Variants in P2RY2 observed in about 807,000 individuals in gnomAD.
P2RY2 encodes purinergic receptor P2Y2, also known as P2Y purinoceptor 2.
For synonymous variants in P2RY2, 241 were observed against 231.9 expected (o/e 1.04, Z -0.35); for missense variants, 567 against 515.7 (o/e 1.10, Z -0.96).
intron 2 of P2RY2, among the ~76,000 whole-genome samples, chr11:73,229,890 C>T (rs1862398879): frequency 6.6e-6 from 1 of 151,926 alleles, no homozygotes; most frequent in Non-Finnish European, 1.5e-5. Context: ...TGGAGGAAGC[C>T]CCCTCCCTGT....
At chr11:73,229,647 G>A (rs1862390830) in intron 2 of P2RY2, among the ~76,000 whole-genome samples, 1 of 152,110 alleles carries the variant, frequency 6.6e-6, no homozygotes, top group Admixed American at 6.5e-5. Context: ...GAGGGTGGGG[G>A]CCAGGGTGTC....
intron 1 of P2RY2, among the ~76,000 whole-genome samples, chr11:73,225,498 G>T (rs1027878287): frequency 6.6e-6 from 1 of 152,208 alleles, no homozygotes; most frequent in African/African-American, 2.4e-5. Flanking sequence ...CTGCCAATTG[G>T]CATTCCTCTG....
chr11:73,235,902 G>A lies in P2RY2; in HGVS notation c.*609G>A, dbSNP rs1862640036. The A allele has an allele frequency of 2.0e-6, 2 of 1,000,356 alleles. No homozygotes were observed. Among genetic ancestry groups the A allele is most frequent in the Non-Finnish European group, 2.4e-6 (2 of 830,026 alleles). The allele number at this position is 1,000,356 out of a possible 1,614,324, so 62.0% of individuals were successfully genotyped here. On this transcript the variant is annotated 3_prime_UTR_variant, in exon 3 of 3. Coordinates refer to ENST00000393597, the MANE Select transcript of P2RY2 (RefSeq NM_002564.4). ...ATGGGCTAGGAGCCAGTGTGAGGCT[G>A]TAACTTATACTAAAGGTTGTGTTGC... is the stretch of plus-strand genomic sequence containing the variant.
intron 2 of P2RY2, among the ~76,000 whole-genome samples, chr11:73,232,178 C>A (rs1250272043): frequency 1.3e-5 from 2 of 152,198 alleles, no homozygotes; most frequent in East Asian, 1.9e-4. Flanking sequence ...CCCACACAGG[C>A]ACAAGCCCTT....
chr11:73,229,447 A>G (rs1862384221), intron 2 of P2RY2, among the ~76,000 whole-genome samples: 1 of 152,132 alleles, frequency 6.6e-6, no homozygotes, highest in Non-Finnish European at 1.5e-5. Flanking sequence ...CATCAGGGTC[A>G]GGAGAGGCAG....
intron 2 of P2RY2, among the ~76,000 whole-genome samples, chr11:73,231,724 C>A (rs1862465053): frequency 6.6e-6 from 1 of 151,930 alleles, no homozygotes; most frequent in South Asian, 2.1e-4. Context: ...CCTGCAGAGT[C>A]CCCCAGTCCC....
chr11:73,230,036 C>T (rs577579529), intron 2 of P2RY2, among the ~76,000 whole-genome samples: 5 of 152,110 alleles, frequency 3.3e-5, no homozygotes, highest in Non-Finnish European at 5.9e-5. Context: ...GAGCTAGACT[C>T]GAACCTCGGC....
At chr11:73,233,239 G>A (rs1315491627) in intron 2 of P2RY2, among the ~76,000 whole-genome samples, 1 of 152,212 alleles carries the variant, frequency 6.6e-6, no homozygotes, top group Non-Finnish European at 1.5e-5. Flanking sequence ...TCAGGGGCAG[G>A]ACTGCTGTTG....
chr11:73,234,772 C>T lies in P2RY2; in HGVS notation c.613C>T (p.Leu205=), dbSNP rs1294814484. The T allele has an allele frequency of 1.2e-6, 2 of 1,611,714 alleles. No homozygotes were observed. The highest frequency in any genetic ancestry group is 2.2e-5 in the South Asian group (2 of 91,086). ...FVAYSSVMLG[L]LFAVPFAVIL... Reference sequence around the variant, plus strand: ...GGCCTACAGCTCAGTCATGCTGGGCCTGCTCTTCGCGGTGCCCTTTGCCGT... The same window carrying T: ...GGCCTACAGCTCAGTCATGCTGGGCTTGCTCTTCGCGGTGCCCTTTGCCGT... The change falls in exon 3 of 3, where the codon CTG becomes TTG. Residue 205 remains leucine (L), a synonymous_variant. Coordinates refer to ENST00000393597, the MANE Select transcript of P2RY2 (RefSeq NM_002564.4).
At chr11:73,231,368 A>G (rs2135642163) in intron 2 of P2RY2, among the ~76,000 whole-genome samples, 1 of 145,266 alleles carries the variant, frequency 6.9e-6, no homozygotes, top group African/African-American at 2.5e-5. Flanking sequence ...CGACATGGCA[A>G]AACCCCATCT....
At chr11:73,219,614 C>G (rs1376041958) in intron 1 of P2RY2, among the ~76,000 whole-genome samples, 2 of 152,224 alleles carry the variant, frequency 1.3e-5, no homozygotes, top group African/African-American at 2.4e-5. Context: ...CCCTAGGGCA[C>G]AAGCCTTCCA....
rs1190471539 is a variant in P2RY2, at chr11:73,238,113, C to T, written c.*2820C>T. 6.6e-6 allele frequency among the ~76,000 whole-genome samples: 1 copy of T among 152,224 alleles called. No individual in the cohort carries two copies. Among genetic ancestry groups the T allele is most frequent in the African/African-American group, 2.4e-5 (1 of 41,450 alleles). ...CAGGGCTGAGCCCAAGGTCATTCAG[C>T]AGGTCAGCGTGGCGCCTGGATGTAA... is the stretch of plus-strand genomic sequence containing the variant. On this transcript the variant is annotated 3_prime_UTR_variant, in exon 3 of 3. Transcript: ENST00000393597.
Position 73,238,363 on chromosome 11 carries a change from G to T in P2RY2, c.*3070G>T, listed in dbSNP as rs1254826017. Among the ~76,000 whole-genome samples, 2 of 152,206 alleles carry T rather than the reference G, an allele frequency of 1.3e-5. No individual in the cohort carries two copies. The highest frequency in any genetic ancestry group is 2.9e-5 in the Non-Finnish European group (2 of 68,028). ...AGGGCAGGGTCCCTGGCACACAGGG[G>T]TCTCTGCCCTGGGTGGCAGGTGTCC... On this transcript the variant is annotated 3_prime_UTR_variant, in exon 3 of 3. Coordinates refer to ENST00000393597, the MANE Select transcript of P2RY2 (RefSeq NM_002564.4).
At position 73,237,527 on chromosome 11, in the gene P2RY2, T is replaced by G. The variant is rs1791921; in HGVS notation, c.*2234T>G. ...CCTCCCAAAGTGCTGGGATTACAGG[T>G]ATGAGCCACCGCACCCGGCCCCTCT... On this transcript the variant is annotated 3_prime_UTR_variant, in exon 3 of 3. Coordinates refer to ENST00000393597, the MANE Select transcript of P2RY2 (RefSeq NM_002564.4). Among the ~76,000 whole-genome samples, 35,596 of 152,120 alleles carry G rather than the reference T, an allele frequency of 0.23. 4,924 individuals carry two copies. Among genetic ancestry groups the G allele is most frequent in the Middle Eastern group, 0.46 (135 of 294 alleles).
intron 1 of P2RY2, among the ~76,000 whole-genome samples, chr11:73,221,199 C>T (rs1177363066): frequency 1.3e-5 from 2 of 152,204 alleles, no homozygotes; most frequent in Non-Finnish European, 2.9e-5. Context: ...TTACTGAATG[C>T]CTTCCTCCCC....
rs1862642120 is a variant in P2RY2, at chr11:73,235,966, GA to G, written c.*674del. The G allele has an allele frequency of 1.0e-6, 1 of 1,000,240 alleles. No homozygotes were observed. Among genetic ancestry groups the G allele is most frequent in the African/African-American group, 1.7e-5 (1 of 57,222 alleles). 62.0% of individuals were successfully genotyped at this position (1,000,240 alleles called of 1,614,324 possible). On this transcript the variant is annotated 3_prime_UTR_variant, in exon 3 of 3. Coordinates refer to ENST00000393597, the MANE Select transcript of P2RY2 (RefSeq NM_002564.4). The stretch of plus-strand genomic sequence containing the variant: ...CCCTATTGTGTGGTCGGGGGATGAG[GA>G]TATGGCAGGGAAGCTTTCACCAGCC...
intron 2 of P2RY2, among the ~76,000 whole-genome samples, chr11:73,232,737 T>C (rs972569384): frequency 6.6e-6 from 1 of 152,066 alleles, no homozygotes; most frequent in African/African-American, 2.4e-5. Context: ...AAAGCATGCT[T>C]AGTAGTAGGG....
chr11:73,230,836 T>C (rs944631635), intron 2 of P2RY2, among the ~76,000 whole-genome samples: 2 of 146,786 alleles, frequency 1.4e-5, no homozygotes, highest in African/African-American at 2.5e-5. Flanking sequence ...CTGGGCTTTC[T>C]CCTGAAACAG....
chr11:73,240,174 T>C lies in P2RY2; in HGVS notation c.*4881T>C, dbSNP rs1309405805. ...GCCTCTGTCTTGGCTCCAGCTCAGG[T>C]GTCAGTCTCAGCCCTGTCCCAGCCA... On this transcript the variant is annotated 3_prime_UTR_variant, in exon 3 of 3. Transcript: ENST00000393597. The C allele has an allele frequency of 6.6e-6, 1 of 152,328 alleles. No homozygotes were observed. Among genetic ancestry groups the C allele is most frequent in the Non-Finnish European group, 1.5e-5 (1 of 68,194 alleles). The allele number at this position is 152,328 out of a possible 1,614,324, so 9.4% of individuals were successfully genotyped here. A position where few individuals can be genotyped will look rare whatever the true frequency, so the allele number is the denominator to read the frequency against.
Sources: allele counts gnomAD v4.1 joint callset (sites outside exome capture counted in the v4.1 genomes callset), GRCh38; gene constraint gnomAD v4.1.1; transcripts MANE v1.5; gene names NCBI Gene and HGNC (gene_info 2026-07-23, HGNC 2026-07-21).